FN1: variants seen among roughly 807,000 people sequenced by gnomAD.
FN1 encodes the protein fibronectin 1, also known as fibronectin.
A neutral mutation model predicts 297.3 loss-of-function variants in FN1; 106 were observed. The ratio of observed to expected loss-of-function variants is 0.36; its 90% confidence interval spans 0.30 to 0.42. The LOEUF (loss-of-function observed/expected upper bound fraction) is 0.42. Ranked by LOEUF, FN1 falls within the 10% of genes least tolerant of loss-of-function variation. The pLI, the probability that FN1 is intolerant of heterozygous loss-of-function variation, is 1.00. For synonymous variants in FN1, 1,149 were observed against 1,152.6 expected (o/e 1.00, Z 0.06); for missense variants, 2,690 against 3,124.9 (o/e 0.86, Z 3.32).
At chr2:215,408,612 G>A (rs2062120054) in intron 15 of FN1, among the ~76,000 whole-genome samples, 186 bp from the exon 16 acceptor site, 1 of 152,182 alleles carries the variant, frequency 6.6e-6, no homozygotes, top group South Asian at 2.1e-4. Context: ...GTGTTGCCCA[G>A]GCTGGAGTGC....
intron 12 of FN1, among the ~76,000 whole-genome samples, chr2:215,417,634 G>A (rs1241502858): frequency 2.0e-5 from 3 of 152,164 alleles, no homozygotes; most frequent in East Asian, 1.9e-4. Flanking sequence ...GCTAGGCCAC[G>A]GAGCAAACCA....
intron 12 of FN1, among the ~76,000 whole-genome samples, chr2:215,416,203 C>G (rs1381028616): frequency 6.6e-6 from 1 of 152,144 alleles, no homozygotes; most frequent in African/African-American, 2.4e-5. Flanking sequence ...CACTTCCACA[C>G]CAGTAACAAT....
In FN1 at chr2:215,383,311, ATGC is replaced by A; in HGVS notation, c.5050+14_5050+16del. On this transcript the variant is annotated intron_variant, in intron 31 of 45. Coordinates refer to ENST00000354785, the MANE Select transcript of FN1 (RefSeq NM_212482.4). ...GAGTGAGCCACCGCACCTGGCCGAG[ATGC>A]AGATGATTCTTACCTGGACCTGCAG... 1 of 1,613,826 alleles carries A rather than the reference ATGC, an allele frequency of 6.2e-7. No homozygotes were observed. Among genetic ancestry groups the A allele is most frequent in the Non-Finnish European group, 8.5e-7 (1 of 1,179,730 alleles).
chr2:215,379,182 T>A lies in FN1; in HGVS notation c.5570A>T (p.Lys1857Ile). ...GCTGTCAGGAGCAAGGTTGATTTCTTTCATTGGTCCGGTCTTCTCCTTGGG... is the reference window on the plus strand; with the variant it reads ...GCTGTCAGGAGCAAGGTTGATTTCTATCATTGGTCCGGTCTTCTCCTTGGG... ...VTPKEKTGPM[K>I]EINLAPDSSS... Residue 1857 changes from lysine to isoleucine, a missense_variant, in exon 34 of 46, where the codon AAA (lysine) becomes ATA (isoleucine). Physicochemically the swap from Lys to Ile is moderately radical, Grantham distance 102. Around this residue, in one of 3 missense-constraint regions of FN1, gnomAD observed 1,743 missense variants for 1,945.2 expected, o/e 0.90. Transcript: ENST00000354785. The A allele has an allele frequency of 6.2e-7, 1 of 1,614,082 alleles. No individual in the cohort carries two copies. The highest frequency in any genetic ancestry group is 1.3e-5 in the African/African-American group (1 of 75,008).
At chr2:215,363,167 C>G (rs1327036476) in intron 44 of FN1, 1 of 152,140 alleles carries the variant, frequency 6.6e-6, no homozygotes, top group Non-Finnish European at 1.5e-5. Flanking sequence ...AGAAAGTGAA[C>G]AGTTTCCACT....
Position 215,370,282 on chromosome 2 carries a change from G to C in FN1, c.6853+12C>G, listed in dbSNP as rs111303746. On this transcript the variant is annotated intron_variant, in intron 41 of 45. Transcript: ENST00000354785. ...AGGGGAGCCTGTGTCTAAATAGTAC[G>C]TGTTTACATACCAGAGTTGCCCACG... 6.6e-5 allele frequency: 107 copies of C among 1,613,690 alleles called. No homozygotes were observed. The African/African-American group carries it at 1.2e-3, about 18-fold the overall frequency.
At chr2:215,392,625 G>T in intron 25 of FN1, 1 of 399,058 alleles carries the variant, frequency 2.5e-6, no homozygotes, top group Non-Finnish European at 4.7e-6. Context: ...TATTTAAGAC[G>T]AAAAATTCTA....
intron 13 of FN1, 52 bp from the exon 14 acceptor site, chr2:215,410,166 T>C (rs1376027421): frequency 1.3e-6 from 2 of 1,513,998 alleles, no homozygotes; most frequent in Non-Finnish European, 1.8e-6. Flanking sequence ...TTTACAAGGA[T>C]GAACATTTGA....
At chr2:215,416,011 G>T (rs533371270) in intron 12 of FN1, among the ~76,000 whole-genome samples, 1 of 152,162 alleles carries the variant, frequency 6.6e-6, no homozygotes, top group East Asian at 1.9e-4. Context: ...GTGTAATAAA[G>T]CACTTCACCA....
chr2:215,427,922 T>C (rs902291615), intron 6 of FN1, among the ~76,000 whole-genome samples: 3 of 152,230 alleles, frequency 2.0e-5, no homozygotes, highest in Non-Finnish European at 4.4e-5. Flanking sequence ...TCTTTAAAAC[T>C]CAGTTTTATC....
Position 215,436,052 on chromosome 2 carries a change from G to A in FN1, c.-250C>T, listed in dbSNP as rs2067423237. 2 of 677,838 alleles carry A rather than the reference G, an allele frequency of 3.0e-6. No individual in the cohort carries two copies. The highest frequency in any genetic ancestry group is 1.8e-5 in the African/African-American group (1 of 55,046). The allele number at this position is 677,838 out of a possible 1,614,324, so 42.0% of individuals were successfully genotyped here. A position where few individuals can be genotyped will look rare whatever the true frequency, so the allele number is the denominator to read the frequency against. The stretch of plus-strand genomic sequence containing the variant: ...GGGTTCCCTCTCCTCCCCCTGTGCA[G>A]CACAGCCGGCGCGGGCGTCCGAGCG... On this transcript the variant is annotated 5_prime_UTR_variant, in exon 1 of 46. Coordinates refer to ENST00000354785, the MANE Select transcript of FN1 (RefSeq NM_212482.4).
intron 20 of FN1, 142 bp downstream of exon 20, chr2:215,404,247 A>G: frequency 2.3e-6 from 2 of 859,692 alleles, no homozygotes; most frequent in Non-Finnish European, 3.7e-6. Flanking sequence ...CAGCCAGTCT[A>G]TGGAGCACAT....
intron 28 of FN1, 26 bp downstream of exon 28, chr2:215,386,663 G>A: frequency 6.4e-7 from 1 of 1,553,172 alleles, no homozygotes; most frequent in Non-Finnish European, 8.7e-7. Context: ...AGTCTTCTGA[G>A]TTTCTTTGCA....
chr2:215,433,289 T>C, intron 3 of FN1, 35 bp downstream of exon 3: 2 of 1,610,976 alleles, frequency 1.2e-6, no homozygotes, highest in Non-Finnish European at 1.7e-6. Flanking sequence ...TCATATTTGA[T>C]ATTTTGGCAT....
chr2:215,377,037 ATT>A (rs1400213024), intron 35 of FN1, among the ~76,000 whole-genome samples: 3 of 34,500 alleles, frequency 8.7e-5, no homozygotes, highest in Admixed American at 4.7e-4. Flanking sequence ...CCAGCTAACA[ATT>A]TTGTGTGTGT....
chr2:215,383,451 C>T lies in FN1; in HGVS notation c.4927G>A (p.Asp1643Asn), dbSNP rs140153061. The T allele has an allele frequency of 1.4e-5, 23 of 1,614,100 alleles. No individual in the cohort carries two copies. In the African/African-American group the frequency reaches 1.6e-4, roughly 11 times the overall value. ...IDKPSQMQVTDVQDNSISVKW... is the reference protein window; with the variant it reads ...IDKPSQMQVTNVQDNSISVKW... ...ACACTAATGCTGTTGTCCTGAACAT[C>T]GGTCACTTGCATCTGGGATGGTTTG... The change falls in exon 31 of 46, where the codon GAT (aspartate) becomes AAT (asparagine). Residue 1643 changes from aspartate to asparagine, a missense_variant. Physicochemically the swap from Asp to Asn is conservative, Grantham distance 23 (BLOSUM62 1). Around this residue, in one of 3 missense-constraint regions of FN1, gnomAD observed 1,743 missense variants for 1,945.2 expected, o/e 0.90. Transcript: ENST00000354785.
At position 215,364,868 on chromosome 2, in the gene FN1, T is replaced by A. The variant is rs1407941513; in HGVS notation, c.7251+11A>T. 1 of 1,537,238 alleles carries A rather than the reference T, an allele frequency of 6.5e-7. No individual in the cohort carries two copies. Among genetic ancestry groups the A allele is most frequent in the Non-Finnish European group, 8.8e-7 (1 of 1,135,182 alleles). ...TCTAACTTGTAGGGAGCCTGGCACA[T>A]CCAGTCTTACCCGCTGGCCTCCAAA... On this transcript the variant is annotated intron_variant, in intron 44 of 45. Coordinates refer to ENST00000354785, the MANE Select transcript of FN1 (RefSeq NM_212482.4).
Position 215,361,075 on chromosome 2 carries a change from T to G in FN1, c.*480A>C, listed in dbSNP as rs1305185862. ...GAGAAAGATATTTCTAGGCAATTAC[T>G]AGGATCATTTGGAAAAAGTGAGTAC... is the stretch of plus-strand genomic sequence containing the variant. On this transcript the variant is annotated 3_prime_UTR_variant, in exon 46 of 46. Coordinates refer to ENST00000354785, the MANE Select transcript of FN1 (RefSeq NM_212482.4). The G allele has an allele frequency of 6.4e-6, 1 of 156,914 alleles. No homozygotes were observed. The highest frequency in any genetic ancestry group is 1.8e-4 in the East Asian group (1 of 5,424). 9.7% of individuals were successfully genotyped at this position (156,914 alleles called of 1,614,324 possible).
At chr2:215,405,532 T>G (rs2061671913) in intron 19 of FN1, among the ~76,000 whole-genome samples, 1 of 152,030 alleles carries the variant, frequency 6.6e-6, no homozygotes. Flanking sequence ...TCACTTGAGG[T>G]CAGGAGTTTC....
Sources: gnomAD v4.1 joint callset for allele counts (sites outside exome capture counted in the v4.1 genomes callset) on GRCh38, gnomAD v4.1.1 for gene constraint, gnomAD v4.1.1 regional missense constraint, MANE v1.5 for transcripts, NCBI Gene and HGNC (gene_info 2026-07-23, HGNC 2026-07-21) for gene names.